GRID1: variants seen among roughly 807,000 people sequenced by gnomAD.
GRID1 encodes glutamate receptor ionotropic, delta-1.
A neutral mutation model predicts 98.0 loss-of-function variants in GRID1; 28 were observed. The ratio of observed to expected loss-of-function variants is 0.29; its 90% confidence interval spans 0.21 to 0.39. The LOEUF (loss-of-function observed/expected upper bound fraction) is 0.39. Among genes scored for constraint, GRID1 ranks in the 10% least tolerant of loss-of-function variants. The pLI is 1.00. For synonymous variants in GRID1, 553 were observed against 538.5 expected (o/e 1.03, Z -0.37); for missense variants, 1,111 against 1,340.5 (o/e 0.83, Z 2.67).
Position 85,602,628 on chromosome 10 carries a change from T to G in GRID1, c.2675A>C (p.Gln892Pro). The G allele has an allele frequency of 6.2e-7, 1 of 1,613,986 alleles. No individual in the cohort carries two copies. ...SLMDEDIAHK[Q>P]ISPASIELSA... ...GAGCTCAATCGACGCTGGGGAAATC[T>G]GCTTGTGAGCAATGTCTTCATCCAT... The change falls in exon 16 of 16, where the codon CAG (glutamine) becomes CCG (proline). Residue 892 changes from glutamine to proline, a missense_variant. This residue lies in a region of GRID1 where 762 missense variants were observed against 869.1 expected (regional missense o/e 0.88). Transcript: ENST00000327946.
At chr10:85,637,551 G>C (rs547245054) in intron 13 of GRID1, among the ~76,000 whole-genome samples, 126 of 152,306 alleles carry the variant, frequency 8.3e-4, no homozygotes, top group Admixed American at 1.4e-3. Flanking sequence ...CTCCTACAAG[G>C]AAGCTACACA....
chr10:85,979,977 C>A (rs1842524444), intron 4 of GRID1, among the ~76,000 whole-genome samples: 1 of 152,246 alleles, frequency 6.6e-6, no homozygotes, highest in African/African-American at 2.4e-5. Flanking sequence ...ACTTTTCAAC[C>A]AAAACACAAA....
At chr10:85,987,103 G>A (rs1264355423) in intron 4 of GRID1, among the ~76,000 whole-genome samples, 1 of 150,446 alleles carries the variant, frequency 6.6e-6, no homozygotes, top group Admixed American at 6.6e-5. Context: ...CAGACCCCAG[G>A]GCAGCCTCTC....
chr10:86,171,925 C>A (rs117796855), intron 3 of GRID1, among the ~76,000 whole-genome samples: 1,839 of 152,140 alleles, frequency 0.012, 13 homozygotes, highest in Non-Finnish European at 0.02. Context: ...CCAGGAAATA[C>A]GTTACACACA....
chr10:85,773,547 G>C (rs1842296270), intron 8 of GRID1, among the ~76,000 whole-genome samples: 1 of 152,216 alleles, frequency 6.6e-6, no homozygotes, highest in Admixed American at 6.5e-5. Flanking sequence ...CCTGTTTGCA[G>C]ATGACATGAT....
intron 2 of GRID1, among the ~76,000 whole-genome samples, chr10:86,214,069 G>A (rs1051834537): frequency 7.9e-5 from 12 of 152,106 alleles, no homozygotes; most frequent in Admixed American, 5.2e-4. Flanking sequence ...ACTTGTCCCA[G>A]ATGGACACAC....
chr10:85,932,300 A>G (rs1589303317), intron 4 of GRID1, among the ~76,000 whole-genome samples: 1 of 152,284 alleles, frequency 6.6e-6, no homozygotes, highest in South Asian at 2.1e-4. Flanking sequence ...CAGTCTTGAC[A>G]TCCTGGGCTC....
At chr10:86,067,203 C>G (rs183121878) in intron 4 of GRID1, among the ~76,000 whole-genome samples, 1 of 152,196 alleles carries the variant, frequency 6.6e-6, no homozygotes, top group South Asian at 2.1e-4. Context: ...GTTAATAAAC[C>G]TTAGCAAATG....
At chr10:86,220,655 G>A (rs1390214655) in intron 2 of GRID1, among the ~76,000 whole-genome samples, 1 of 152,220 alleles carries the variant, frequency 6.6e-6, no homozygotes, top group Non-Finnish European at 1.5e-5. Context: ...ATGCCCAGGT[G>A]CAATTCTGCA....
chr10:86,046,299 T>C (rs1230697267), intron 4 of GRID1, among the ~76,000 whole-genome samples: 3 of 152,228 alleles, frequency 2.0e-5, no homozygotes, highest in Non-Finnish European at 4.4e-5. Context: ...ACACTGCCTG[T>C]GGAGCACCCT....
At chr10:85,714,075 TA>T (rs977152919) in intron 12 of GRID1, among the ~76,000 whole-genome samples, 1 of 151,878 alleles carries the variant, frequency 6.6e-6, no homozygotes, top group Non-Finnish European at 1.5e-5. Flanking sequence ...TATGCAGCCA[TA>T]AAAAAGAAGA....
intron 8 of GRID1, among the ~76,000 whole-genome samples, chr10:85,798,416 T>C (rs777232716): frequency 2.6e-5 from 4 of 152,240 alleles, no homozygotes; most frequent in Non-Finnish European, 4.4e-5. Flanking sequence ...TATATGGTAG[T>C]TCTATTTGTA....
At chr10:86,129,407 T>A (rs1419011375) in intron 4 of GRID1, among the ~76,000 whole-genome samples, 1 of 152,192 alleles carries the variant, frequency 6.6e-6, no homozygotes, top group African/African-American at 2.4e-5. Context: ...AGTCAGGGTG[T>A]TCAGCATTCA....
chr10:85,741,621 A>T (rs1369540504), intron 8 of GRID1, among the ~76,000 whole-genome samples: 1 of 151,636 alleles, frequency 6.6e-6, no homozygotes, highest in Non-Finnish European at 1.5e-5. Context: ...TTTTTTATGC[A>T]CTCCCTATCT....
chr10:86,066,467 G>A (rs900581940), intron 4 of GRID1, among the ~76,000 whole-genome samples: 1 of 152,162 alleles, frequency 6.6e-6, no homozygotes, highest in South Asian at 2.1e-4. Flanking sequence ...TCCAGATGAG[G>A]AGACTGAAGA....
At chr10:85,884,396 A>C (rs958450168) in intron 5 of GRID1, among the ~76,000 whole-genome samples, 1 of 152,064 alleles carries the variant, frequency 6.6e-6, no homozygotes, top group African/African-American at 2.4e-5. Flanking sequence ...TTATGCTATA[A>C]TTTATATTTG....
chr10:85,641,521 C>T (rs1484367200), intron 13 of GRID1, among the ~76,000 whole-genome samples: 4 of 152,080 alleles, frequency 2.6e-5, no homozygotes, highest in Non-Finnish European at 4.4e-5. Flanking sequence ...GTAGAAAAGA[C>T]GAGATTACCA....
rs908939663 is a variant in GRID1, at chr10:85,771,196, C to T, written c.1234-41582G>A. Among the ~76,000 whole-genome samples the T allele has an allele frequency of 3.5e-4, 54 of 152,282 alleles. 1 individual carries two copies. Among genetic ancestry groups the T allele is most frequent in the African/African-American group, 6.7e-4 (28 of 41,564 alleles). ...CACTCTTAAGGAAAAGAATTTTCAA[C>T]CCAGAATTTCATATCCAGCCAAACT... is the stretch of plus-strand genomic sequence containing the variant. On this transcript the variant is annotated intron_variant, in intron 8 of 15. Coordinates refer to ENST00000327946, the MANE Select transcript of GRID1 (RefSeq NM_017551.3).
At chr10:85,667,644 C>T (rs1208994352) in intron 12 of GRID1, among the ~76,000 whole-genome samples, 3 of 152,200 alleles carry the variant, frequency 2.0e-5, no homozygotes, top group African/African-American at 7.2e-5. Context: ...AACCGTGCTC[C>T]TGCACTTTAA....
Sources: gnomAD v4.1 joint callset for allele counts (sites outside exome capture counted in the v4.1 genomes callset) on GRCh38, gnomAD v4.1.1 for gene constraint, gnomAD v4.1.1 regional missense constraint, MANE v1.5 for transcripts, NCBI Gene and HGNC (gene_info 2026-07-23, HGNC 2026-07-21) for gene names.